GRIK5: variants seen among roughly 807,000 people sequenced by gnomAD.
GRIK5 encodes glutamate ionotropic receptor kainate type subunit 5.
Under a neutral mutation model 97.4 loss-of-function variants are expected in GRIK5, and 43 were observed. The observed-to-expected ratio is 0.44, with a 90% confidence interval of 0.35 to 0.57. The LOEUF is 0.57. Ranked by LOEUF, GRIK5 falls within the 20% of genes least tolerant of loss-of-function variation. GRIK5 has a pLI of 0.01. For missense variants in GRIK5, 1,015 were observed against 1,382.0 expected (o/e 0.73, Z 4.21); for synonymous variants, 580 against 583.5 (o/e 0.99, Z 0.09).
At chr19:42,053,491 C>T in intron 11 of GRIK5, 111 bp downstream of exon 11, 1 of 677,620 alleles carries the variant, frequency 1.5e-6, no homozygotes, top group South Asian at 1.7e-5. Context: ...GAATCCCAGC[C>T]CCCACTGGCC....
At chr19:42,059,304 G>A in intron 6 of GRIK5, 45 bp downstream of exon 6, 1 of 1,544,262 alleles carries the variant, frequency 6.5e-7, no homozygotes, top group Non-Finnish European at 8.9e-7. Flanking sequence ...GTCACCCCAA[G>A]TTTCTGGCCC....
At position 42,069,849 on chromosome 19, in the gene GRIK5, C is replaced by T. The variant is rs561687992; in HGVS notation, c.-659G>A. Among the ~76,000 whole-genome samples, 243 of 151,386 alleles carry T rather than the reference C, an allele frequency of 1.6e-3. No homozygotes were observed. Among genetic ancestry groups the T allele is most frequent in the Non-Finnish European group, 3.0e-3 (206 of 67,760 alleles). ...CCCCACGGGAAAAGCATGCTGGGGGCGGGGAGAGCCCGGGAGTGGAGAGCT... is the reference window on the plus strand; with the variant it reads ...CCCCACGGGAAAAGCATGCTGGGGGTGGGGAGAGCCCGGGAGTGGAGAGCT... On this transcript the variant is annotated 5_prime_UTR_variant, in exon 1 of 20. Coordinates refer to ENST00000593562, the MANE Select transcript of GRIK5 (RefSeq NM_002088.5).
Position 42,021,022 on chromosome 19 carries a change from C to A in GRIK5, c.1871+279G>T, listed in dbSNP as rs1316490111. Among the ~76,000 whole-genome samples, 1 of 152,168 alleles carries A rather than the reference C, an allele frequency of 6.6e-6. No individual in the cohort carries two copies. Among genetic ancestry groups the A allele is most frequent in the Non-Finnish European group, 1.5e-5 (1 of 68,020 alleles). ...TAGCCATTCTTTTATTCCTTAGCAGCCTCACTGAATCCTCACAACCCTGAG... is the reference window on the plus strand; with the variant it reads ...TAGCCATTCTTTTATTCCTTAGCAGACTCACTGAATCCTCACAACCCTGAG... On this transcript the variant is annotated intron_variant, in intron 15 of 19. Transcript: ENST00000593562. This position sits in a 1 kb window ranked among gnomAD's most constrained non-coding sequence, Gnocchi z 4.2.
At chr19:42,035,193 C>T (rs966495598) in intron 12 of GRIK5, among the ~76,000 whole-genome samples, 3 of 151,764 alleles carry the variant, frequency 2.0e-5, no homozygotes, top group Non-Finnish European at 4.4e-5. Context: ...GTTGGTCAGG[C>T]TGGTCTCGAA....
In GRIK5 at chr19:42,069,767, T is replaced by C. The variant is rs1257207835; in HGVS notation, c.-577A>G. Among the ~76,000 whole-genome samples the C allele has an allele frequency of 6.6e-6, 1 of 151,194 alleles. No homozygotes were observed. The highest frequency in any genetic ancestry group is 1.5e-5 in the Non-Finnish European group (1 of 67,718). On this transcript the variant is annotated 5_prime_UTR_variant, in exon 1 of 20. Transcript: ENST00000593562. ...GGCCGCCCCCTTTCCCCCTCCCCCC[T>C]GGAGCCTGGGCCCTGCCCTGGTTGA...
Position 42,003,768 on chromosome 19 carries a change from G to T in GRIK5, c.2264-85C>A. 7.3e-7 allele frequency: 1 copy of T among 1,378,736 alleles called. No homozygotes were observed. The allele number at this position is 1,378,736 out of a possible 1,614,324, so 85.4% of individuals were successfully genotyped here. On this transcript the variant is annotated intron_variant, in intron 17 of 19. Transcript: ENST00000593562. The surrounding 1 kb of genome is among the most constrained non-coding windows in gnomAD (Gnocchi z 4.2). ...AACCCCAAACTGTGCCCTCACCACG[G>T]CCTTCCCCCGCCTCTACCACGTGCC...
In GRIK5 at chr19:42,065,803, G is replaced by A. The variant is rs1308246038; in HGVS notation, c.-33C>T. ...CCCTCCTCATGGGGACGCAGCTGCCGCGGCCCCCACTCGCCACCTGCAGGG... is the reference window on the plus strand; with the variant it reads ...CCCTCCTCATGGGGACGCAGCTGCCACGGCCCCCACTCGCCACCTGCAGGG... On this transcript the variant is annotated 5_prime_UTR_variant, in exon 2 of 20. Coordinates refer to ENST00000593562, the MANE Select transcript of GRIK5 (RefSeq NM_002088.5). This position sits in a 1 kb window ranked among gnomAD's most constrained non-coding sequence, Gnocchi z 5.8. 12 of 1,530,314 alleles carry A rather than the reference G, an allele frequency of 7.8e-6. No homozygotes were observed. Among genetic ancestry groups the A allele is most frequent in the East Asian group, 2.4e-5 (1 of 41,054 alleles). 94.8% of individuals were successfully genotyped at this position (1,530,314 alleles called of 1,614,324 possible). A position where few individuals can be genotyped will look rare whatever the true frequency, so the allele number is the denominator to read the frequency against.
chr19:41,999,014 G>T lies in GRIK5; in HGVS notation c.2800C>A (p.Gln934Lys). 1 of 1,237,262 alleles carries T rather than the reference G, an allele frequency of 8.1e-7. No individual in the cohort carries two copies. Among genetic ancestry groups the T allele is most frequent in the Non-Finnish European group, 1.0e-6 (1 of 985,560 alleles). The allele number at this position is 1,237,262 out of a possible 1,614,324, so 76.6% of individuals were successfully genotyped here. Residue 934 changes from glutamine (Q) to lysine (K), a missense_variant, in exon 20 of 20, where the codon CAG becomes AAG. Gln to Lys is a moderately conservative substitution (Grantham distance 53, BLOSUM62 1). Coordinates refer to ENST00000593562, the MANE Select transcript of GRIK5 (RefSeq NM_002088.5). The surrounding 1 kb of genome is among the most constrained non-coding windows in gnomAD (Gnocchi z 5.0). ...AGCGCCTGGATGCGCCGGCACTCCTGGCAGACGCGCACGTGGGTGCAGGGG... is the reference window on the plus strand; with the variant it reads ...AGCGCCTGGATGCGCCGGCACTCCTTGCAGACGCGCACGTGGGTGCAGGGG... ...PTPCTHVRVC[Q>K]ECRRIQALRA...
chr19:42,052,378 C>T (rs149674508), intron 11 of GRIK5, among the ~76,000 whole-genome samples: 1 of 152,204 alleles, frequency 6.6e-6, no homozygotes, highest in East Asian at 1.9e-4. Context: ...CCTAGCCAAG[C>T]CCCCAGGGCT....
chr19:42,053,587 T>A lies in GRIK5; in HGVS notation c.1269+15A>T, dbSNP rs749968822. The A allele has an allele frequency of 6.7e-7, 1 of 1,485,626 alleles. No individual in the cohort carries two copies. Among genetic ancestry groups the A allele is most frequent in the African/African-American group, 1.4e-5 (1 of 72,596 alleles). 92.0% of individuals were successfully genotyped at this position (1,485,626 alleles called of 1,614,324 possible). ...GGGCAGCGCCACTCCCAGGCCCCCATCTAGGGCCACTCACCAGGATGGTTG... is the reference window on the plus strand; with the variant it reads ...GGGCAGCGCCACTCCCAGGCCCCCAACTAGGGCCACTCACCAGGATGGTTG... On this transcript the variant is annotated intron_variant, in intron 11 of 19. Transcript: ENST00000593562.
At chr19:42,009,939 G>A (rs1175932294) in intron 15 of GRIK5, among the ~76,000 whole-genome samples, 3 of 151,580 alleles carry the variant, frequency 2.0e-5, no homozygotes, top group South Asian at 4.2e-4. Context: ...GGTGGTGCAC[G>A]CCTGTAATCC....
chr19:42,010,363 A>G (rs1344673447), intron 15 of GRIK5, among the ~76,000 whole-genome samples: 2 of 152,224 alleles, frequency 1.3e-5, no homozygotes, highest in African/African-American at 4.8e-5. Flanking sequence ...AAAACGCACC[A>G]AGACACATTA....
At chr19:42,063,550 C>T (rs1420630397) in intron 3 of GRIK5, 5 of 344,210 alleles carry the variant, frequency 1.5e-5, no homozygotes, top group Non-Finnish European at 2.9e-5. Context: ...CATATGGGTG[C>T]AAATCAGACC....
Position 42,062,683 on chromosome 19 carries a change from C to T in GRIK5, c.343-30G>A. ...ACAGAGAGGAAACTTTGGCCTCCAT[C>T]CTGCTTCTCCGCCCAGCCCTCGCCT... On this transcript the variant is annotated intron_variant, in intron 4 of 19. Coordinates refer to ENST00000593562, the MANE Select transcript of GRIK5 (RefSeq NM_002088.5). This position sits in a 1 kb window ranked among gnomAD's most constrained non-coding sequence, Gnocchi z 5.3. 1 of 1,613,758 alleles carries T rather than the reference C, an allele frequency of 6.2e-7. No individual in the cohort carries two copies. Among genetic ancestry groups the T allele is most frequent in the East Asian group, 2.2e-5 (1 of 44,872 alleles).
chr19:42,004,605 G>A (rs1316900029), intron 17 of GRIK5, among the ~76,000 whole-genome samples: 4 of 152,154 alleles, frequency 2.6e-5, no homozygotes, highest in Non-Finnish European at 4.4e-5. Flanking sequence ...ACTGTGCACT[G>A]AGTCAGGGAG....
chr19:42,002,151 A>G lies in GRIK5; in HGVS notation c.2514+1181T>C. The G allele has an allele frequency of 1.4e-6, 1 of 717,610 alleles. No homozygotes were observed. The highest frequency in any genetic ancestry group is 2.6e-6 in the Non-Finnish European group (1 of 385,122). The allele number at this position is 717,610 out of a possible 1,614,324, so 44.5% of individuals were successfully genotyped here. On this transcript the variant is annotated intron_variant, in intron 19 of 19. Transcript: ENST00000593562. This position sits in a 1 kb window ranked among gnomAD's most constrained non-coding sequence, Gnocchi z 5.2. ...AGTTGCTGGTGACAAGAGTGGCTTC[A>G]GTGGAGTGGCAGGGACCGATGCCAG...
intron 15 of GRIK5, among the ~76,000 whole-genome samples, chr19:42,013,495 C>T (rs1284840442): frequency 4.7e-5 from 7 of 149,052 alleles, no homozygotes; most frequent in Admixed American, 6.7e-5. Flanking sequence ...CTGCAAGCTC[C>T]GCCTCCCAGG....
Position 42,062,859 on chromosome 19 carries a change from C to T in GRIK5, c.245-4G>A, listed in dbSNP as rs772706042. On this transcript the variant is annotated splice_region_variant and splice_polypyrimidine_tract_variant and intron_variant, in intron 3 of 19. Coordinates refer to ENST00000593562, the MANE Select transcript of GRIK5 (RefSeq NM_002088.5). This position sits in a 1 kb window ranked among gnomAD's most constrained non-coding sequence, Gnocchi z 5.3. ...CCTTTGGGTAAGATCTGACACACTG[C>T]GTGGGAAGGGGAAGAGACCGCAGAG... is the stretch of plus-strand genomic sequence containing the variant. 10 of 1,609,454 alleles carry T rather than the reference C, an allele frequency of 6.2e-6. No homozygotes were observed. The highest frequency in any genetic ancestry group is 3.3e-5 in the South Asian group (3 of 90,978).
Position 42,056,998 on chromosome 19 carries a change from A to AAGAGGCAGAGTG in GRIK5, c.688-32_688-21dup. 6.5e-7 allele frequency: 1 copy of AAGAGGCAGAGTG among 1,548,458 alleles called. No individual in the cohort carries two copies. The highest frequency in any genetic ancestry group is 8.7e-7 in the Non-Finnish European group (1 of 1,143,724). Reference sequence around the variant, plus strand: ...CGAGGCCTGGAAAACACAGGAGGCAAAGAGGCAGAGTGAGAGACAGAGACC... The same window carrying AAGAGGCAGAGTG: ...CGAGGCCTGGAAAACACAGGAGGCAAAGAGGCAGAGTGAGAGGCAGAGTGAGAGACAGAGACC... On this transcript the variant is annotated intron_variant, in intron 6 of 19. Coordinates refer to ENST00000593562, the MANE Select transcript of GRIK5 (RefSeq NM_002088.5).
Sources: gnomAD v4.1 joint callset for allele counts (sites outside exome capture counted in the v4.1 genomes callset) on GRCh38, gnomAD v4.1.1 for gene constraint, Gnocchi (gnomAD v3.1) non-coding constraint, MANE v1.5 for transcripts, NCBI Gene and HGNC (gene_info 2026-07-23, HGNC 2026-07-21) for gene names.